The following CLN8 variants were observed in gnomAD, a reference collection of about 807,000 sequenced individuals.
CLN8 encodes the protein CLN8 transmembrane ER and ERGIC protein, also known as protein CLN8.
CLN8 carries 14 observed loss-of-function variants against 15.7 expected under a neutral mutation model. The ratio of observed to expected loss-of-function variants is 0.89; its 90% CI spans 0.59 to 1.39. The LOEUF (loss-of-function observed/expected upper bound fraction) is 1.39. CLN8 is among the 40% of genes most tolerant of loss of function. The pLI is 0.00. For synonymous variants in CLN8, 188 were observed against 151.0 expected (o/e 1.25, Z -1.80); for missense variants, 415 against 364.0 (o/e 1.14, Z -1.14).
At chr8:1,780,204 T>C (rs962693081) in intron 2 of CLN8, 46 bp from the exon 3 acceptor site, 105 of 1,614,100 alleles carry the variant, frequency 6.5e-5, no homozygotes, top group Non-Finnish European at 8.4e-5. Flanking sequence ...AGAATGAATT[T>C]TGGCAGTTTC....
chr8:1,753,886 C>CAA (rs1246928117), upstream of CLN8, among the ~76,000 whole-genome samples: 3 of 134,884 alleles, frequency 2.2e-5, no homozygotes, highest in African/African-American at 2.7e-5. Flanking sequence ...ACCTCCATCT[C>CAA]AAAAAAAAAA....
chr8:1,768,360 C>A (rs1801150623), intron 1 of CLN8, among the ~76,000 whole-genome samples: 1 of 152,168 alleles, frequency 6.6e-6, no homozygotes, highest in South Asian at 2.1e-4. Flanking sequence ...TTGACCAAAC[C>A]AAAGACCTCC....
rs1801803022 is a variant in CLN8, at chr8:1,785,251, A to C, written c.*4684A>C. The stretch of plus-strand genomic sequence containing the variant: ...TGGGTGCTCCTTTGTGCTCTGTCCT[A>C]CGGTGACACAGGCGGCGTGGGGTTA... On this transcript the variant is annotated 3_prime_UTR_variant, in exon 3 of 3. Coordinates refer to ENST00000331222, the MANE Select transcript of CLN8 (RefSeq NM_018941.4). The C allele has an allele frequency of 5.4e-6, 1 of 184,942 alleles. No individual in the cohort carries two copies. Among genetic ancestry groups the C allele is most frequent in the Non-Finnish European group, 1.2e-5 (1 of 84,908 alleles). The allele number at this position is 184,942 out of a possible 1,614,324, so 11.5% of individuals were successfully genotyped here. A position where few individuals can be genotyped will look rare whatever the true frequency, so the allele number is the denominator to read the frequency against.
chr8:1,785,194 G>T lies in CLN8; in HGVS notation c.*4627G>T. ...GGGTCTCCCGCTCCTCAGGCTTGCG[G>T]CTCGGCCGCGAAGTGTGTCAGGTGT... On this transcript the variant is annotated 3_prime_UTR_variant, in exon 3 of 3. Coordinates refer to ENST00000331222, the MANE Select transcript of CLN8 (RefSeq NM_018941.4). 6.0e-6 allele frequency: 1 copy of T among 166,006 alleles called. No individual in the cohort carries two copies. Among genetic ancestry groups the T allele is most frequent in the South Asian group, 1.3e-4 (1 of 7,468 alleles). The allele number at this position is 166,006 out of a possible 1,614,324, so 10.3% of individuals were successfully genotyped here. A position where few individuals can be genotyped will look rare whatever the true frequency, so the allele number is the denominator to read the frequency against.
chr8:1,771,683 A>G (rs1743108381), intron 2 of CLN8, 86 bp downstream of exon 2: 4 of 1,258,544 alleles, frequency 3.2e-6, no homozygotes, highest in African/African-American at 1.5e-5. Flanking sequence ...CATAAACTCA[A>G]CAGCAGGCTG....
At chr8:1,756,778 G>A (rs565942240) in intron 1 of CLN8, among the ~76,000 whole-genome samples, 2 of 151,340 alleles carry the variant, frequency 1.3e-5, no homozygotes, top group East Asian at 2.0e-4. Context: ...TGCCTCCCGG[G>A]TTCAAGCAAT....
At chr8:1,765,593 T>C (rs1002107776) in intron 1 of CLN8, among the ~76,000 whole-genome samples, 9 of 152,206 alleles carry the variant, frequency 5.9e-5, no homozygotes, top group African/African-American at 2.2e-4. Context: ...TATATTTCAG[T>C]CATTAATGCA....
intron 1 of CLN8, chr8:1,758,127 C>T (rs1290943420): frequency 6.6e-6 from 1 of 152,050 alleles, no homozygotes; most frequent in East Asian, 1.9e-4. Context: ...TGTTTTGTGG[C>T]TCAATATTTT....
intron 1 of CLN8, among the ~76,000 whole-genome samples, chr8:1,768,536 A>G (rs1200326191): frequency 6.6e-6 from 1 of 152,228 alleles, no homozygotes; most frequent in East Asian, 1.9e-4. Context: ...AATGGGACCT[A>G]TAAGTCAGAG....
At chr8:1,757,202 G>A (rs888256317) in intron 1 of CLN8, among the ~76,000 whole-genome samples, 7 of 152,170 alleles carry the variant, frequency 4.6e-5, no homozygotes, top group African/African-American at 1.4e-4. Flanking sequence ...TGATGTTGGG[G>A]CTGGGCCATT....
upstream of CLN8, chr8:1,759,927 A>C (rs730379): frequency 0.67 from 101,812 of 152,088 alleles, 34,373 homozygotes; most frequent in South Asian, 0.77. Flanking sequence ...AGGAGGAAGA[A>C]ACAGGCAGAA....
chr8:1,759,394 G>C (rs1204180809), upstream of CLN8: 1 of 152,390 alleles, frequency 6.6e-6, no homozygotes, highest in Non-Finnish European at 1.5e-5. Context: ...CCACGGAGAG[G>C]GTGAGAACGG....
Position 1,780,333 on chromosome 8 carries a change from C to G in CLN8, c.627C>G (p.Tyr209Ter). ...TTCACTGCCGCATGGTTCTAACCTA[C>G]CACATGTGGTGGGTGTGTTTCTGGC... ...HMFHCRMVLT[Y>*]HMWWVCFWHW... is the part of the protein sequence containing the mutation. The change falls in exon 3 of 3, where the codon TAC becomes TAG. Residue 209 changes from tyrosine (Y) to a stop codon, truncating the protein, a stop_gained. Transcript: ENST00000331222. LOFTEE classifies it high-confidence loss of function. 6.2e-7 allele frequency: 1 copy of G among 1,614,254 alleles called. No individual in the cohort carries two copies. The highest frequency in any genetic ancestry group is 8.5e-7 in the Non-Finnish European group (1 of 1,180,050).
intron 2 of CLN8, among the ~76,000 whole-genome samples, chr8:1,777,732 A>T (rs888817603): frequency 1.3e-5 from 2 of 152,158 alleles, no homozygotes; most frequent in Non-Finnish European, 2.9e-5. Flanking sequence ...CCCACTGGAG[A>T]GACTTCAGGG....
chr8:1,757,649 C>G (rs936993851), intron 1 of CLN8, among the ~76,000 whole-genome samples: 3 of 152,076 alleles, frequency 2.0e-5, no homozygotes, highest in African/African-American at 7.2e-5. Context: ...CTAGCCTGGT[C>G]ACGAACTCCT....
upstream of CLN8, chr8:1,760,580 C>G (rs1800769260): frequency 6.6e-6 from 1 of 152,152 alleles, no homozygotes. Flanking sequence ...TGTTTAAATT[C>G]AAGCTGAAGA....
rs1372035801 is a variant in CLN8, at chr8:1,784,339, A to G, written c.*3772A>G. On this transcript the variant is annotated 3_prime_UTR_variant, in exon 3 of 3. Transcript: ENST00000331222. The stretch of plus-strand genomic sequence containing the variant: ...TCACAGTTCTGGAGGCTGGAAGTCC[A>G]AGATAAAGGTGTGGGCTGATTAGTT... 6.6e-6 allele frequency: 1 copy of G among 152,448 alleles called. No individual in the cohort carries two copies. Among genetic ancestry groups the G allele is most frequent in the Non-Finnish European group, 1.5e-5 (1 of 68,502 alleles). The allele number at this position is 152,448 out of a possible 1,614,324, so 9.4% of individuals were successfully genotyped here.
intron 1 of CLN8, among the ~76,000 whole-genome samples, chr8:1,767,565 CTT>C (rs1156569423): frequency 1.2e-5 from 1 of 81,310 alleles, no homozygotes; most frequent in African/African-American, 5.1e-5. Context: ...ATGTTTCTTT[CTT>C]TTTTTTTTTT....
At chr8:1,759,170 G>GCA (rs1800736201), upstream of CLN8, 1 of 152,206 alleles carries the variant, frequency 6.6e-6, no homozygotes, top group Non-Finnish European at 1.5e-5. Flanking sequence ...TCAACGGAAG[G>GCA]CGGGTATAAG....
Sources: allele counts gnomAD v4.1 joint callset (sites outside exome capture counted in the v4.1 genomes callset), GRCh38; gene constraint gnomAD v4.1.1; transcripts MANE v1.5; gene names NCBI Gene and HGNC (gene_info 2026-07-23, HGNC 2026-07-21).